Variants in GMDS observed in about 807,000 individuals in gnomAD.
The protein encoded by GMDS is GDP-mannose 4,6 dehydratase.
Under a neutral mutation model 49.9 loss-of-function variants are expected in GMDS, and 20 were observed. That is an observed-to-expected ratio of 0.40 (90% CI 0.28 to 0.58). The LOEUF (loss-of-function observed/expected upper bound fraction) is 0.58, where lower values mean the gene tolerates loss of function less well. Ranked by LOEUF, GMDS falls within the 20% of genes least tolerant of loss-of-function variation. The pLI is 0.42. For missense variants in GMDS, 362 were observed against 481.4 expected (o/e 0.75, Z 2.32); for synonymous variants, 177 against 178.6 (o/e 0.99, Z 0.07).
At chr6:1,971,486 G>T (rs530721918) in intron 4 of GMDS, among the ~76,000 whole-genome samples, 2 of 152,290 alleles carry the variant, frequency 1.3e-5, no homozygotes, top group South Asian at 4.1e-4. Context: ...CTAAACAAAT[G>T]TGACATCTTT....
At chr6:1,975,671 G>A (rs1764858465) in intron 4 of GMDS, among the ~76,000 whole-genome samples, 1 of 152,178 alleles carries the variant, frequency 6.6e-6, no homozygotes, top group Non-Finnish European at 1.5e-5. Flanking sequence ...ATAGGAAACT[G>A]CAAGATCTCT....
intron 4 of GMDS, among the ~76,000 whole-genome samples, chr6:2,073,038 T>A (rs971185709): frequency 6.6e-6 from 1 of 152,238 alleles, no homozygotes; most frequent in African/African-American, 2.4e-5. Flanking sequence ...TACCAACTAA[T>A]GGTTCTGTTT....
chr6:1,870,380 G>A (rs1388033707), intron 7 of GMDS, among the ~76,000 whole-genome samples: 2 of 152,088 alleles, frequency 1.3e-5, no homozygotes, highest in Non-Finnish European at 2.9e-5. Flanking sequence ...ACGAAGATAC[G>A]CCCAACCCTT....
At chr6:1,950,093 T>C (rs536819380) in intron 6 of GMDS, among the ~76,000 whole-genome samples, 143 of 152,354 alleles carry the variant, frequency 9.4e-4, no homozygotes, top group African/African-American at 3.4e-3. Context: ...TTATATGTAG[T>C]ATTTACACAG....
chr6:1,913,388 C>CAAAA (rs56262461), intron 7 of GMDS, among the ~76,000 whole-genome samples: 863 of 103,606 alleles, frequency 8.3e-3, no homozygotes, highest in African/African-American at 0.015. Context: ...CTCAAACAAA[C>CAAAA]AAAAAAAAAA....
At chr6:1,752,180 G>A (rs1387066979) in intron 7 of GMDS, among the ~76,000 whole-genome samples, 1 of 152,182 alleles carries the variant, frequency 6.6e-6, no homozygotes, top group Admixed American at 6.5e-5. Context: ...CCAGCTTAGA[G>A]AAGAACATAA....
chr6:1,698,296 A>G (rs959551977), intron 9 of GMDS, among the ~76,000 whole-genome samples: 5 of 152,176 alleles, frequency 3.3e-5, no homozygotes, highest in Non-Finnish European at 7.4e-5. Flanking sequence ...AGCGCTGGAG[A>G]CAAGGCCTGG....
intron 9 of GMDS, among the ~76,000 whole-genome samples, chr6:1,656,472 C>T (rs1763883882): frequency 6.6e-6 from 1 of 152,128 alleles, no homozygotes; most frequent in South Asian, 2.1e-4. Flanking sequence ...CACAAATTCA[C>T]ATTTTCTGGG....
intron 1 of GMDS, among the ~76,000 whole-genome samples, chr6:2,146,079 A>G (rs1308847176): frequency 6.6e-6 from 1 of 152,216 alleles, no homozygotes; most frequent in Non-Finnish European, 1.5e-5. Context: ...CAATCATGGA[A>G]ATGCAAGTTA....
chr6:2,198,855 T>C (rs938725356), intron 1 of GMDS, among the ~76,000 whole-genome samples: 1 of 152,224 alleles, frequency 6.6e-6, no homozygotes, highest in African/African-American at 2.4e-5. Flanking sequence ...CAGAGGTGTC[T>C]CTAGCCTAGC....
At chr6:2,007,306 C>T (rs1056324932) in intron 4 of GMDS, among the ~76,000 whole-genome samples, 2 of 152,232 alleles carry the variant, frequency 1.3e-5, no homozygotes, top group East Asian at 1.9e-4. Flanking sequence ...AATACCATTA[C>T]AGCACACCAT....
At chr6:1,784,390 C>CAAAA (rs780517217) in intron 7 of GMDS, among the ~76,000 whole-genome samples, 4 of 40,486 alleles carry the variant, frequency 9.9e-5, no homozygotes, top group Non-Finnish European at 1.5e-4. Flanking sequence ...AGACTCGTCT[C>CAAAA]AAAAAAAAAA....
intron 1 of GMDS, among the ~76,000 whole-genome samples, chr6:2,225,360 C>G (rs1456474643): frequency 6.6e-6 from 1 of 151,996 alleles, no homozygotes; most frequent in Admixed American, 6.6e-5. Context: ...AATAAATAAG[C>G]CTTTATCCTA....
chr6:1,854,801 T>C (rs1342505487), intron 7 of GMDS, among the ~76,000 whole-genome samples: 1 of 152,154 alleles, frequency 6.6e-6, no homozygotes, highest in Non-Finnish European at 1.5e-5. Context: ...TACCTCAAAA[T>C]CTCAAATTAT....
At chr6:2,070,160 T>A (rs1381370802) in intron 4 of GMDS, among the ~76,000 whole-genome samples, 1 of 150,644 alleles carries the variant, frequency 6.6e-6, no homozygotes, top group African/African-American at 2.5e-5. Flanking sequence ...CAGTAAACTA[T>A]CGCAAGAACA....
intron 9 of GMDS, among the ~76,000 whole-genome samples, chr6:1,658,719 G>A (rs1341761733): frequency 6.6e-6 from 1 of 152,264 alleles, no homozygotes; most frequent in Admixed American, 6.5e-5. Flanking sequence ...AGTTGCTTGA[G>A]ACTATTTAGC....
Position 2,050,990 on chromosome 6 carries a change from G to C in GMDS, c.345+64781C>G, listed in dbSNP as rs9378673. 7.9e-5 allele frequency among the ~76,000 whole-genome samples: 12 copies of C among 152,166 alleles called. No homozygotes were observed. The South Asian group carries it at 1.5e-3, about 18-fold the overall frequency. On this transcript the variant is annotated intron_variant, in intron 4 of 10. Transcript: ENST00000380815. Reference sequence around the variant, plus strand: ...TGGGGCTGGGGGAGGGATAGTATTAGGAGAAATATCTAATGTAAATAATGA... The same window carrying C: ...TGGGGCTGGGGGAGGGATAGTATTACGAGAAATATCTAATGTAAATAATGA...
chr6:1,704,624 A>C (rs1322640133), intron 9 of GMDS, among the ~76,000 whole-genome samples: 1 of 152,216 alleles, frequency 6.6e-6, no homozygotes, highest in Non-Finnish European at 1.5e-5. Flanking sequence ...AAAAGAGTAA[A>C]TTACCAAATG....
intron 1 of GMDS, among the ~76,000 whole-genome samples, chr6:2,211,539 C>A (rs952843651): frequency 1.3e-5 from 2 of 151,930 alleles, no homozygotes; most frequent in Admixed American, 6.6e-5. Context: ...AAAAAATAGA[C>A]CCTACATCAA....
Sources: gnomAD v4.1 joint callset for allele counts (sites outside exome capture counted in the v4.1 genomes callset) on GRCh38, gnomAD v4.1.1 for gene constraint, MANE v1.5 for transcripts, NCBI Gene and HGNC (gene_info 2026-07-23, HGNC 2026-07-21) for gene names.